The following MAP2K1 variants were observed in gnomAD, a reference collection of about 807,000 sequenced individuals.
The protein encoded by MAP2K1 is mitogen-activated protein kinase kinase 1.
A neutral mutation model predicts 46.3 loss-of-function variants in MAP2K1; 16 were observed. The ratio of observed to expected loss-of-function variants is 0.35; its 90% CI spans 0.23 to 0.52. MAP2K1 has a LOEUF of 0.52. Ranked by LOEUF, MAP2K1 falls within the 20% of genes least tolerant of loss-of-function variation. The pLI, the probability that MAP2K1 is intolerant of heterozygous loss-of-function variation, is 0.94. For missense variants in MAP2K1, 263 were observed against 497.1 expected (o/e 0.53, Z 4.48); for synonymous variants, 183 against 185.6 (o/e 0.99, Z 0.11).
At chr15:66,389,646 C>T (rs1453977577) in intron 1 of MAP2K1, among the ~76,000 whole-genome samples, 1 of 141,414 alleles carries the variant, frequency 7.1e-6, no homozygotes, top group Non-Finnish European at 1.5e-5. Flanking sequence ...GCGATCTCGG[C>T]TCACCACAAC....
At chr15:66,472,093 A>AAC (rs1892649684) in intron 5 of MAP2K1, among the ~76,000 whole-genome samples, 1 of 150,012 alleles carries the variant, frequency 6.7e-6, no homozygotes, top group African/African-American at 2.4e-5. Context: ...AAAAAAAAAA[A>AAC]GATGCTGTTA....
chr15:66,449,708 C>G (rs1416847992), intron 5 of MAP2K1, among the ~76,000 whole-genome samples: 1 of 152,008 alleles, frequency 6.6e-6, no homozygotes, highest in Non-Finnish European at 1.5e-5. Context: ...TGGTGAAACC[C>G]CCGTCTACTA....
chr15:66,397,152 C>T (rs1002734046), intron 1 of MAP2K1, among the ~76,000 whole-genome samples: 1 of 151,816 alleles, frequency 6.6e-6, no homozygotes, highest in Non-Finnish European at 1.5e-5. Flanking sequence ...CTACAGGCGC[C>T]TGCCACCACG....
chr15:66,427,362 A>ATC (rs1293145064), intron 1 of MAP2K1, among the ~76,000 whole-genome samples: 2 of 152,032 alleles, frequency 1.3e-5, no homozygotes, highest in Non-Finnish European at 2.9e-5. Context: ...GATCGAGACC[A>ATC]TCCTGGCCAA....
chr15:66,470,826 C>G (rs1892614499), intron 5 of MAP2K1, among the ~76,000 whole-genome samples: 1 of 152,162 alleles, frequency 6.6e-6, no homozygotes, highest in Middle Eastern at 3.4e-3. Flanking sequence ...GGTTGAGGAC[C>G]CTGTGACACA....
intron 1 of MAP2K1, among the ~76,000 whole-genome samples, chr15:66,425,108 C>G (rs1188443353): frequency 1.3e-5 from 2 of 152,092 alleles, no homozygotes; most frequent in Non-Finnish European, 2.9e-5. Flanking sequence ...CCGTCTCCAT[C>G]TTTAGCAGAC....
At chr15:66,436,938 G>A (rs761720615) in intron 3 of MAP2K1, 46 bp downstream of exon 3, 1 of 1,608,378 alleles carries the variant, frequency 6.2e-7, no homozygotes, top group South Asian at 1.1e-5. Flanking sequence ...CTTAAGAGTT[G>A]GGTGGCTCTG....
chr15:66,420,761 ATGTG>A (rs1251895665), intron 1 of MAP2K1, among the ~76,000 whole-genome samples: 3 of 15,548 alleles, frequency 1.9e-4, no homozygotes, highest in Non-Finnish European at 4.6e-4. Flanking sequence ...GTGTGTGTGT[ATGTG>A]TGTATATATA....
chr15:66,488,028 C>A (rs933642076), intron 8 of MAP2K1, among the ~76,000 whole-genome samples: 2 of 152,264 alleles, frequency 1.3e-5, no homozygotes. Flanking sequence ...AAAAGTAGCC[C>A]AGGTCCTTCC....
intron 5 of MAP2K1, among the ~76,000 whole-genome samples, chr15:66,477,769 A>C (rs940286207): frequency 1.3e-5 from 2 of 152,150 alleles, no homozygotes; most frequent in African/African-American, 4.8e-5. Context: ...GATGAGAGGC[A>C]ATGGCACTGG....
chr15:66,415,353 C>T lies in MAP2K1; in HGVS notation c.81-19674C>T, dbSNP rs79206027. On this transcript the variant is annotated intron_variant, in intron 1 of 10. Transcript: ENST00000307102. ...GAAATTCCAAAGATTTAGAGGTTAC[C>T]TCCAGAAACCAGGGACAAAGGCCAG... 3.2e-3 allele frequency among the ~76,000 whole-genome samples: 493 copies of T among 152,280 alleles called. 1 individual carries two copies. The highest frequency in any genetic ancestry group is 0.01 in the Middle Eastern group (3 of 294).
chr15:66,421,125 C>T (rs1257953483), intron 1 of MAP2K1, among the ~76,000 whole-genome samples: 68 of 66,504 alleles, frequency 1.0e-3, no homozygotes, highest in Admixed American at 3.7e-3. Context: ...CACACACACA[C>T]ATATATATAT....
In MAP2K1 at chr15:66,419,461, A is replaced by C. The variant is rs577687035; in HGVS notation, c.81-15566A>C. Among the ~76,000 whole-genome samples, 9 of 151,904 alleles carry C rather than the reference A, an allele frequency of 5.9e-5. No individual in the cohort carries two copies. In the East Asian group the frequency reaches 1.8e-3, roughly 30 times the overall value. ...CTTGAACCTGGGAGGTGGAGGTTGC[A>C]GTGAGCTGAGATTGTGCCACTGCAC... On this transcript the variant is annotated intron_variant, in intron 1 of 10. Coordinates refer to ENST00000307102, the MANE Select transcript of MAP2K1 (RefSeq NM_002755.4).
intron 1 of MAP2K1, among the ~76,000 whole-genome samples, chr15:66,388,958 G>A (rs2093350109): frequency 6.9e-6 from 1 of 144,742 alleles, no homozygotes; most frequent in South Asian, 2.2e-4. Flanking sequence ...CCAGGCTGGA[G>A]TGCAATGGTG....
At chr15:66,410,359 A>G (rs755349799) in intron 1 of MAP2K1, among the ~76,000 whole-genome samples, 1 of 152,196 alleles carries the variant, frequency 6.6e-6, no homozygotes, top group Non-Finnish European at 1.5e-5. Flanking sequence ...AGTGACATGC[A>G]GTCCTAGGGG....
chr15:66,422,890 C>T (rs1275557440), intron 1 of MAP2K1, among the ~76,000 whole-genome samples: 3 of 152,078 alleles, frequency 2.0e-5, no homozygotes, highest in Non-Finnish European at 2.9e-5. Context: ...TCCTACAACT[C>T]TTGGATGCTC....
Position 66,442,289 on chromosome 15 carries a change from C to T in MAP2K1, c.439-991C>T, listed in dbSNP as rs1253797881. Reference sequence around the variant, plus strand: ...TGGTGGGGTTCTGGTCACAGCCGGCCATTTCTAGCTTGCACCTCTTCATGC... The same window carrying T: ...TGGTGGGGTTCTGGTCACAGCCGGCTATTTCTAGCTTGCACCTCTTCATGC... On this transcript the variant is annotated intron_variant, in intron 3 of 10. Transcript: ENST00000307102. 2.0e-5 allele frequency among the ~76,000 whole-genome samples: 3 copies of T among 152,180 alleles called. No homozygotes were observed. In the East Asian group the frequency reaches 5.8e-4, roughly 29 times the overall value.
chr15:66,473,678 A>T (rs1892692637), intron 5 of MAP2K1, among the ~76,000 whole-genome samples: 1 of 151,828 alleles, frequency 6.6e-6, no homozygotes, highest in African/African-American at 2.4e-5. Context: ...TAGATAATTT[A>T]TGTTATTTTT....
At chr15:66,488,261 G>A (rs1893117356) in intron 8 of MAP2K1, among the ~76,000 whole-genome samples, 1 of 152,222 alleles carries the variant, frequency 6.6e-6, no homozygotes, top group African/African-American at 2.4e-5. Flanking sequence ...AGTGGGGACA[G>A]TCTGCAGAAT....
Sources: allele counts gnomAD v4.1 joint callset (sites outside exome capture counted in the v4.1 genomes callset), GRCh38; gene constraint gnomAD v4.1.1; transcripts MANE v1.5; gene names NCBI Gene and HGNC (gene_info 2026-07-23, HGNC 2026-07-21).